The following ILRUN variants were observed in gnomAD, a reference collection of about 807,000 sequenced individuals.
ILRUN encodes the protein inflammation and lipid regulator with UBA-like and NBR1-like domains.
ILRUN carries 3 observed loss-of-function variants against 33.8 expected under a neutral mutation model. The ratio of observed to expected loss-of-function variants is 0.09; its 90% CI spans 0.04 to 0.23. The LOEUF (loss-of-function observed/expected upper bound fraction) is 0.23. Among genes scored for constraint, ILRUN ranks in the 10% least tolerant of loss-of-function variants. The probability of loss-of-function intolerance (pLI) is 1.00; values close to 1 mark genes in which losing one functional copy is unlikely to be tolerated. For missense variants in ILRUN, 210 were observed against 375.1 expected, an observed-to-expected ratio of 0.56 and a Z score of 3.64; for synonymous variants, 124 against 138.9, an observed-to-expected ratio of 0.89 and a Z score of 0.75.
intron 4 of ILRUN, among the ~76,000 whole-genome samples, chr6:34,600,695 T>C (rs1761489974): frequency 6.6e-6 from 1 of 152,348 alleles, no homozygotes; most frequent in African/African-American, 2.4e-5. Flanking sequence ...TTTCCCTTCT[T>C]GGAGGCTAGA....
At chr6:34,636,962 T>C (rs567770489) in intron 3 of ILRUN, among the ~76,000 whole-genome samples, 20 of 152,324 alleles carry the variant, frequency 1.3e-4, no homozygotes, top group Non-Finnish European at 2.5e-4. Flanking sequence ...AAAACATACA[T>C]ATCTAATTTT....
chr6:34,633,880 A>AGAGGGAGGGAGGGAGGGAGGGAGG (rs750015797), intron 3 of ILRUN, among the ~76,000 whole-genome samples: 2 of 64,914 alleles, frequency 3.1e-5, no homozygotes, highest in South Asian at 9.5e-4. Context: ...ATGGAGGGAG[A>AGAGGGAGGGAGGGAGGGAGGGAGG]GAGGGAGGGA....
intron 3 of ILRUN, among the ~76,000 whole-genome samples, chr6:34,611,535 C>T (rs962622966): frequency 2.0e-5 from 3 of 152,072 alleles, no homozygotes; most frequent in Non-Finnish European, 2.9e-5. Flanking sequence ...TGCGTTCACC[C>T]CCTGCCTACT....
chr6:34,605,186 A>T (rs573046410), intron 4 of ILRUN, among the ~76,000 whole-genome samples: 7 of 152,170 alleles, frequency 4.6e-5, no homozygotes, highest in Admixed American at 1.3e-4. Flanking sequence ...CATGTCTGTA[A>T]TCCCAGCTAC....
At chr6:34,591,027 A>G (rs1294817589) in intron 4 of ILRUN, among the ~76,000 whole-genome samples, 1 of 152,226 alleles carries the variant, frequency 6.6e-6, no homozygotes, top group African/African-American at 2.4e-5. Flanking sequence ...ATATATCAGC[A>G]AAAACACAGA....
At chr6:34,695,500 C>G (rs1033347806) in intron 1 of ILRUN, among the ~76,000 whole-genome samples, 1 of 152,212 alleles carries the variant, frequency 6.6e-6, no homozygotes, top group African/African-American at 2.4e-5. Context: ...TCCTTTACGT[C>G]GGGTAGTCTT....
Position 34,590,334 on chromosome 6 carries a change from G to A in ILRUN, c.*231C>T. On this transcript the variant is annotated 3_prime_UTR_variant, in exon 5 of 5. Coordinates refer to ENST00000374023, the MANE Select transcript of ILRUN (RefSeq NM_024294.4). ...ATAACAAAACCCAAAGTGGCTGCAT[G>A]GATTTCTTCTTGGTAGCCTCAACAC... The A allele has an allele frequency of 2.5e-6, 1 of 401,660 alleles. No homozygotes were observed. 24.9% of individuals were successfully genotyped at this position (401,660 alleles called of 1,614,324 possible). A position where few individuals can be genotyped will look rare whatever the true frequency, so the allele number is the denominator to read the frequency against.
intron 3 of ILRUN, among the ~76,000 whole-genome samples, chr6:34,624,334 A>AT (rs1232227689): frequency 2.7e-5 from 4 of 150,394 alleles, no homozygotes; most frequent in East Asian, 2.0e-4. Flanking sequence ...TTATTTTTTT[A>AT]TTTTTTTTGA....
At chr6:34,595,530 T>C (rs1171331156) in intron 4 of ILRUN, among the ~76,000 whole-genome samples, 1 of 152,126 alleles carries the variant, frequency 6.6e-6, no homozygotes, top group East Asian at 1.9e-4. Flanking sequence ...ATCAGTAAAA[T>C]GAATGAATGA....
At position 34,646,917 on chromosome 6, in the gene ILRUN, C is replaced by T; in HGVS notation, c.314-119G>A. 1 of 810,260 alleles carries T rather than the reference C, an allele frequency of 1.2e-6. No homozygotes were observed. The highest frequency in any genetic ancestry group is 2.0e-6 in the Non-Finnish European group (1 of 499,264). The allele number at this position is 810,260 out of a possible 1,614,324, so 50.2% of individuals were successfully genotyped here. A position where few individuals can be genotyped will look rare whatever the true frequency, so the allele number is the denominator to read the frequency against. ...TTCTCACATACATACATAAACCTAA[C>T]CACATATACCTAAGCCATATATTGT... On this transcript the variant is annotated intron_variant, in intron 2 of 4. Transcript: ENST00000374023. The surrounding 1 kb of genome is among the most constrained non-coding windows in gnomAD (Gnocchi z 4.9).
At chr6:34,673,807 T>C (rs1202937865) in intron 1 of ILRUN, among the ~76,000 whole-genome samples, 1 of 149,414 alleles carries the variant, frequency 6.7e-6, no homozygotes, top group Admixed American at 6.7e-5. Flanking sequence ...AGAGAGATCC[T>C]GTCTCAAAAA....
intron 2 of ILRUN, among the ~76,000 whole-genome samples, chr6:34,649,965 G>A (rs1325492308): frequency 6.6e-6 from 1 of 151,792 alleles, no homozygotes; most frequent in Non-Finnish European, 1.5e-5. Context: ...TCTTTCTCAA[G>A]TTCTTTTCCC....
At chr6:34,627,390 G>GT (rs1562008340) in intron 3 of ILRUN, among the ~76,000 whole-genome samples, 1 of 152,180 alleles carries the variant, frequency 6.6e-6, no homozygotes, top group East Asian at 1.9e-4. Flanking sequence ...TTGTGTGAAT[G>GT]TAAGTTTTCA....
At chr6:34,682,052 T>C (rs901243431) in intron 1 of ILRUN, among the ~76,000 whole-genome samples, 2 of 147,710 alleles carry the variant, frequency 1.4e-5, no homozygotes, top group Admixed American at 6.8e-5. Flanking sequence ...TTTTTTTTTT[T>C]TTTCTAGAGA....
intron 1 of ILRUN, among the ~76,000 whole-genome samples, chr6:34,694,566 T>C (rs777284348): frequency 2.6e-5 from 4 of 152,222 alleles, no homozygotes; most frequent in Non-Finnish European, 5.9e-5. Flanking sequence ...AAAACTACAG[T>C]AGGCTATATT....
In ILRUN at chr6:34,646,589, G is replaced by A. The variant is rs896192766; in HGVS notation, c.511+12C>T. 4 of 1,612,740 alleles carry A rather than the reference G, an allele frequency of 2.5e-6. No homozygotes were observed. The highest frequency in any genetic ancestry group is 2.5e-6 in the Non-Finnish European group (3 of 1,179,196). On this transcript the variant is annotated intron_variant, in intron 3 of 4. Transcript: ENST00000374023. This position sits in a 1 kb window ranked among gnomAD's most constrained non-coding sequence, Gnocchi z 4.9. ...AGTTCCTTTACCCTGGGCTGCACAA[G>A]GACATACTCACCTCCATAGTAGAGT...
At chr6:34,596,242 G>A (rs1048871857) in intron 4 of ILRUN, among the ~76,000 whole-genome samples, 1 of 152,206 alleles carries the variant, frequency 6.6e-6, no homozygotes, top group Non-Finnish European at 1.5e-5. Context: ...AGCAGGACCC[G>A]TCAGCATGAG....
At chr6:34,606,179 C>T (rs1256578299) in intron 4 of ILRUN, among the ~76,000 whole-genome samples, 1 of 152,160 alleles carries the variant, frequency 6.6e-6, no homozygotes, top group Non-Finnish European at 1.5e-5. Flanking sequence ...ACTGAAAAGA[C>T]ATCAACAAGA....
intron 1 of ILRUN, among the ~76,000 whole-genome samples, chr6:34,694,491 T>TA: frequency 6.6e-6 from 1 of 152,316 alleles, no homozygotes; most frequent in South Asian, 2.1e-4. Context: ...ACCAGAGTAA[T>TA]AGCTTTTCTC....
Sources: allele counts gnomAD v4.1 joint callset (sites outside exome capture counted in the v4.1 genomes callset), GRCh38; gene constraint gnomAD v4.1.1; non-coding constraint Gnocchi (gnomAD v3.1); transcripts MANE v1.5; gene names NCBI Gene and HGNC (gene_info 2026-07-23, HGNC 2026-07-21).